Variants in NRXN3 observed in about 807,000 individuals in gnomAD.
NRXN3 encodes the protein neurexin 3.
NRXN3 carries 32 observed loss-of-function variants against 137.6 expected under a neutral mutation model. The ratio of observed to expected loss-of-function variants is 0.23; its 90% CI spans 0.18 to 0.31. The LOEUF (loss-of-function observed/expected upper bound fraction) is 0.31. Among genes scored for constraint, NRXN3 ranks in the 10% least tolerant of loss-of-function variants. The probability of loss-of-function intolerance (pLI) is 1.00; values close to 1 mark genes in which losing one functional copy is unlikely to be tolerated. For synonymous variants in NRXN3, 798 were observed against 784.5 expected (o/e 1.02, Z -0.29); for missense variants, 1,574 against 2,062.5 (o/e 0.76, Z 4.59).
rs539470328 is a variant in NRXN3 at position 79,576,675 on chromosome 14, G to C, written c.3445-87103G>C. Among the ~76,000 whole-genome samples, 49 of 152,220 alleles carry C rather than the reference G, an allele frequency of 3.2e-4. No homozygotes were observed. The South Asian group carries it at 7.9e-3, about 24-fold the overall frequency. ...TTGCTTCCCCGCTGACCATGGATCG[G>C]ATTCTGACTCATATCAGAGACTCCC... On this transcript the variant is annotated intron_variant, in intron 16 of 20. Transcript: ENST00000335750.
intron 19 of NRXN3, among the ~76,000 whole-genome samples, chr14:79,779,873 T>G (rs2099108503): frequency 6.6e-6 from 1 of 152,128 alleles, no homozygotes; most frequent in African/African-American, 2.4e-5. Context: ...GTAATTTTAT[T>G]TTATTTTTTG....
intron 4 of NRXN3, among the ~76,000 whole-genome samples, chr14:78,445,395 T>G (rs1257264873): frequency 3.3e-5 from 5 of 152,206 alleles, no homozygotes; most frequent in African/African-American, 9.7e-5. Flanking sequence ...GTGTGCTGTT[T>G]TTTGAATGTT....
chr14:78,931,355 A>T (rs888884827), intron 10 of NRXN3, among the ~76,000 whole-genome samples: 3 of 152,210 alleles, frequency 2.0e-5, no homozygotes, highest in African/African-American at 7.2e-5. Flanking sequence ...TCCTACCAGC[A>T]ATACTGTTCT....
chr14:78,811,709 A>G (rs2098913943), intron 10 of NRXN3, among the ~76,000 whole-genome samples: 1 of 152,168 alleles, frequency 6.6e-6, no homozygotes, highest in Non-Finnish European at 1.5e-5. Context: ...AAGATATATT[A>G]TAGGCATGAC....
At chr14:79,745,768 G>A (rs1019231755) in intron 19 of NRXN3, among the ~76,000 whole-genome samples, 1 of 117,694 alleles carries the variant, frequency 8.5e-6, no homozygotes, top group Non-Finnish European at 1.8e-5. Flanking sequence ...CCTGCAATCT[G>A]CAGGGGAATA....
chr14:78,414,147 A>G (rs1363810776), intron 4 of NRXN3, among the ~76,000 whole-genome samples: 1 of 152,086 alleles, frequency 6.6e-6, no homozygotes, highest in African/African-American at 2.4e-5. Context: ...AGTCTTGGGT[A>G]CGTCTTTATT....
chr14:78,196,014 C>T (rs562205970), intron 1 of NRXN3, among the ~76,000 whole-genome samples: 4 of 152,330 alleles, frequency 2.6e-5, no homozygotes, highest in South Asian at 2.1e-4. Flanking sequence ...ATCTGTATGA[C>T]GAACCCGCTG....
At position 79,080,089 on chromosome 14, in the gene NRXN3, G is replaced by C. The variant is rs184740826; in HGVS notation, c.3262+91948G>C. On this transcript the variant is annotated intron_variant, in intron 15 of 20. Transcript: ENST00000335750. Reference sequence around the variant, plus strand: ...TCTGATTAAACCACCTGAAGGAACAGTGGAACCTCTTCCTAATCATTCCCA... The same window carrying C: ...TCTGATTAAACCACCTGAAGGAACACTGGAACCTCTTCCTAATCATTCCCA... 1.7e-3 allele frequency among the ~76,000 whole-genome samples: 253 copies of C among 152,276 alleles called. 2 individuals carry two copies. The highest frequency in any genetic ancestry group is 5.2e-3 in the African/African-American group (215 of 41,562).
intron 15 of NRXN3, among the ~76,000 whole-genome samples, chr14:79,228,372 AT>A (rs2071464652): frequency 6.6e-6 from 1 of 152,216 alleles, no homozygotes; most frequent in Non-Finnish European, 1.5e-5. Context: ...AAAATTAAAA[AT>A]AATCATTTGA....
chr14:79,820,957 G>T (rs969084856), intron 20 of NRXN3, among the ~76,000 whole-genome samples: 1 of 152,068 alleles, frequency 6.6e-6, no homozygotes, highest in Non-Finnish European at 1.5e-5. Flanking sequence ...AGGGCCCCCT[G>T]GTGTGGTTTT....
intron 4 of NRXN3, among the ~76,000 whole-genome samples, chr14:78,561,682 C>T (rs1216598785): frequency 6.6e-6 from 1 of 152,198 alleles, no homozygotes; most frequent in African/African-American, 2.4e-5. Context: ...GAACACTCTT[C>T]CTGGAACATA....
At chr14:79,465,682 A>G (rs1460936179) in intron 15 of NRXN3, among the ~76,000 whole-genome samples, 1 of 152,232 alleles carries the variant, frequency 6.6e-6, no homozygotes, top group Non-Finnish European at 1.5e-5. Context: ...CTGGAAATAC[A>G]TGCGGACCAG....
At chr14:78,315,164 A>G (rs8013890) in intron 4 of NRXN3, among the ~76,000 whole-genome samples, 36,278 of 151,256 alleles carry the variant, frequency 0.24, 4,753 homozygotes, top group Middle Eastern at 0.31. Flanking sequence ...GGCGCTTACC[A>G]GCTAATTTTT....
intron 15 of NRXN3, among the ~76,000 whole-genome samples, chr14:79,296,666 A>T (rs185214346): frequency 6.6e-6 from 1 of 152,174 alleles, no homozygotes; most frequent in African/African-American, 2.4e-5. Context: ...TTGCCCTGTA[A>T]TTCTTTTATC....
At chr14:78,806,249 C>T (rs1033268919) in intron 9 of NRXN3, among the ~76,000 whole-genome samples, 18 of 152,048 alleles carry the variant, frequency 1.2e-4, no homozygotes, top group African/African-American at 4.3e-4. Context: ...TTCTTTCCAA[C>T]CTGACATGGA....
intron 4 of NRXN3, among the ~76,000 whole-genome samples, chr14:78,524,151 G>T (rs992203404): frequency 5.3e-5 from 8 of 152,168 alleles, no homozygotes; most frequent in African/African-American, 1.9e-4. Context: ...GGGTGGTCAC[G>T]ATTATGGATA....
intron 4 of NRXN3, among the ~76,000 whole-genome samples, chr14:78,303,526 C>A (rs534514944): frequency 1.3e-5 from 2 of 152,248 alleles, no homozygotes; most frequent in South Asian, 2.1e-4. Context: ...GGTCATGTAG[C>A]TCATCTGTTC....
At chr14:78,386,791 T>C (rs1003966003) in intron 4 of NRXN3, among the ~76,000 whole-genome samples, 16 of 152,152 alleles carry the variant, frequency 1.1e-4, no homozygotes, top group African/African-American at 3.9e-4. Context: ...CTTTTTTCTT[T>C]TTTTTTTGAG....
intron 10 of NRXN3, among the ~76,000 whole-genome samples, chr14:78,849,952 C>T (rs1218329915): frequency 6.6e-6 from 1 of 152,122 alleles, no homozygotes; most frequent in African/African-American, 2.4e-5. Flanking sequence ...AACAATAAGA[C>T]CCTGTGCCAG....
Sources: gnomAD v4.1 joint callset for allele counts (sites outside exome capture counted in the v4.1 genomes callset) on GRCh38, gnomAD v4.1.1 for gene constraint, MANE v1.5 for transcripts, NCBI Gene and HGNC (gene_info 2026-07-23, HGNC 2026-07-21) for gene names.